DPH7: variants seen among roughly 807,000 people sequenced by gnomAD.
The protein encoded by DPH7 is diphthamide biosynthesis 7, also known as diphthine methyltransferase.
In DPH7, 44 loss-of-function variants were observed where a neutral mutation model predicts 41.7. That is an observed-to-expected ratio of 1.05 (90% CI 0.83 to 1.36). The LOEUF is 1.36. Ranked by LOEUF, DPH7 falls within the 40% of genes most tolerant of loss-of-function variation. The pLI, the probability that DPH7 is intolerant of heterozygous loss-of-function variation, is 0.00. For missense variants in DPH7, 629 were observed against 577.5 expected, an observed-to-expected ratio of 1.09 and a Z score of -0.91; for synonymous variants, 275 against 238.0, an observed-to-expected ratio of 1.16 and a Z score of -1.43.
rs925364720 is a variant in DPH7 at position 137,564,754 on chromosome 9, C to T, written c.776+139G>A. On this transcript the variant is annotated intron_variant, in intron 7 of 8. Coordinates refer to ENST00000277540, the MANE Select transcript of DPH7 (RefSeq NM_138778.5). ...CCCCTTTACCAAACCCATATACCTACACTCCGGCGAAGCACTGGCAGACGA... is the reference window on the plus strand; with the variant it reads ...CCCCTTTACCAAACCCATATACCTATACTCCGGCGAAGCACTGGCAGACGA... 9 of 1,422,372 alleles carry T rather than the reference C, an allele frequency of 6.3e-6. No individual in the cohort carries two copies. In the Admixed American group the frequency reaches 1.3e-4, roughly 21 times the overall value. 88.1% of individuals were successfully genotyped at this position (1,422,372 alleles called of 1,614,324 possible).
At chr9:137,563,804 G>A (rs1839059003) in intron 8 of DPH7, among the ~76,000 whole-genome samples, 2 of 152,186 alleles carry the variant, frequency 1.3e-5, no homozygotes, top group South Asian at 2.1e-4. Flanking sequence ...GGAAGAGGAG[G>A]TCCTGGAGGT....
chr9:137,577,752 G>A, intron 1 of DPH7, 149 bp from the exon 2 acceptor site: 1 of 1,105,576 alleles, frequency 9.0e-7, no homozygotes, highest in Non-Finnish European at 1.3e-6. Flanking sequence ...TTCTGAGCTG[G>A]AGAAACGTCT....
chr9:137,578,320 C>A (rs1345005746), intron 1 of DPH7, among the ~76,000 whole-genome samples: 1 of 152,146 alleles, frequency 6.6e-6, no homozygotes, highest in Non-Finnish European at 1.5e-5. Context: ...GCCGCCACCA[C>A]GCCCGGCTAA....
Position 137,564,465 on chromosome 9 carries a change from G to A in DPH7, c.918C>T (p.Gly306=), listed in dbSNP as rs1839193342. Residue 306 remains glycine (G), a synonymous_variant, in exon 8 of 9, where the codon GGC becomes GGT. Transcript: ENST00000277540. The part of the protein sequence containing the change: ...HLLLAACMHS[G]FKILNCQKAM... ...CCTTTTGGCAGTTGAGGATCTTAAA[G>A]CCACTGTGCATGCAGGCGGCCAGGA... 1.2e-6 allele frequency: 2 copies of A among 1,614,030 alleles called. No individual in the cohort carries two copies. The highest frequency in any genetic ancestry group is 1.7e-6 in the Non-Finnish European group (2 of 1,179,960).
At chr9:137,559,285 G>T (rs910922928) in intron 8 of DPH7, among the ~76,000 whole-genome samples, 1 of 152,244 alleles carries the variant, frequency 6.6e-6, no homozygotes, top group Non-Finnish European at 1.5e-5. Flanking sequence ...AGGGCCACCA[G>T]AGGGCTCCTT....
At position 137,573,729 on chromosome 9, in the gene DPH7, C is replaced by T. The variant is rs139815697; in HGVS notation, c.640+479G>A. Among the ~76,000 whole-genome samples the T allele has an allele frequency of 6.1e-3, 886 of 145,022 alleles. 8 individuals are homozygous for T. The highest frequency in any genetic ancestry group is 0.021 in the African/African-American group (823 of 39,096). ...AAAAAAAGAATAGCTAAGTGATGAG[C>T]GCCAACTATAGCCTTTGTTCCAGAA... On this transcript the variant is annotated intron_variant, in intron 5 of 8. Coordinates refer to ENST00000277540, the MANE Select transcript of DPH7 (RefSeq NM_138778.5).
At chr9:137,558,464 T>C (rs1462751731) in intron 8 of DPH7, among the ~76,000 whole-genome samples, 1 of 152,050 alleles carries the variant, frequency 6.6e-6, no homozygotes, top group South Asian at 2.1e-4. Context: ...CATCAGAGGA[T>C]GAACAGACAG....
Position 137,555,266 on chromosome 9 carries a change from G to A in DPH7, c.1332C>T (p.Leu444=). 1 of 1,608,686 alleles carries A rather than the reference G, an allele frequency of 6.2e-7. No individual in the cohort carries two copies. Among genetic ancestry groups the A allele is most frequent in the Non-Finnish European group, 8.5e-7 (1 of 1,176,674 alleles). The part of the protein sequence containing the change: ...LATCSFYDHA[L]HLWEWEGN ...AGTTCCCCTCCCACTCCCAGAGGTG[G>A]AGCGCATGGTCATAGAAGGAGCAGG... The change falls in exon 9 of 9, where the codon CTC becomes CTT. Residue 444 remains leucine, a synonymous_variant. Transcript: ENST00000277540.
rs1416586789 is a variant in DPH7 at position 137,555,416 on chromosome 9, A to G, written c.1182T>C (p.Ser394=). 1 of 1,613,176 alleles carries G rather than the reference A, an allele frequency of 6.2e-7. No homozygotes were observed. Among genetic ancestry groups the G allele is most frequent in the Admixed American group, 1.7e-5 (1 of 59,948 alleles). Residue 394 remains serine (S), a synonymous_variant, in exon 9 of 9, where the codon AGT becomes AGC. Transcript: ENST00000277540. ...NDGEGHARPQ[S]GMKPLTEGMR... ...TGCCCTCTGTGAGTGGCTTCATTCCACTCTGGGGTCTGGCATGGCCCTCCC... is the reference window on the plus strand; with the variant it reads ...TGCCCTCTGTGAGTGGCTTCATTCCGCTCTGGGGTCTGGCATGGCCCTCCC...
chr9:137,577,032 CAACGG>C (rs1841530533), intron 2 of DPH7, among the ~76,000 whole-genome samples: 1 of 138,768 alleles, frequency 7.2e-6, no homozygotes, highest in Non-Finnish European at 1.5e-5. Context: ...CCAGCCTGGG[CAACGG>C]AACAAAACCC....
intron 2 of DPH7, among the ~76,000 whole-genome samples, chr9:137,576,917 A>C (rs1042728731): frequency 1.7e-4 from 26 of 151,994 alleles, no homozygotes; most frequent in African/African-American, 5.5e-4. Context: ...GCATGGTGGC[A>C]TCTACCTGAA....
rs200066741 is a variant in DPH7, at chr9:137,556,287, C to T, written c.950-639G>A. On this transcript the variant is annotated intron_variant, in intron 8 of 8. Coordinates refer to ENST00000277540, the MANE Select transcript of DPH7 (RefSeq NM_138778.5). This position sits in a 1 kb window ranked among gnomAD's most constrained non-coding sequence, Gnocchi z 5.2. ...CACAGCAACAGAGGGAATGACGAGG[C>T]GTGGCCAAACCCGAGGCGATCTGGA... 2.0e-5 allele frequency among the ~76,000 whole-genome samples: 3 copies of T among 152,188 alleles called. No individual in the cohort carries two copies. Among genetic ancestry groups the T allele is most frequent in the Admixed American group, 1.3e-4 (2 of 15,288 alleles).
rs950099678 is a variant in DPH7, at chr9:137,565,117, C to T, written c.678G>A (p.Arg226=). 1 of 1,613,930 alleles carries T rather than the reference C, an allele frequency of 6.2e-7. No homozygotes were observed. Among genetic ancestry groups the T allele is most frequent in the African/African-American group, 1.3e-5 (1 of 74,942 alleles). Residue 226 remains arginine, a synonymous_variant, in exon 6 of 9, where the codon AGG becomes AGA. Coordinates refer to ENST00000277540, the MANE Select transcript of DPH7 (RefSeq NM_138778.5). ...DDGLLRGWDT[R]VPGKFLFTSK... is the part of the protein sequence containing the mutation. ...TGGTGAAGAGAAATTTGCCGGGTAC[C>T]CTGGTGTCCCAGCCCCTCAGAAGGC...
At chr9:137,562,304 G>A (rs1045130195) in intron 8 of DPH7, among the ~76,000 whole-genome samples, 1 of 152,088 alleles carries the variant, frequency 6.6e-6, no homozygotes, top group African/African-American at 2.4e-5. Flanking sequence ...AAGTGCACAG[G>A]GGCACTCCCC....
At chr9:137,565,016 G>C (rs893727225) in intron 6 of DPH7, 58 bp from the exon 7 acceptor site, 67 of 1,609,190 alleles carry the variant, frequency 4.2e-5, no homozygotes, top group South Asian at 1.5e-4. Context: ...CCCAGGGAAC[G>C]GGAGGGCTGG....
At chr9:137,568,821 A>G (rs1016181695) in intron 5 of DPH7, among the ~76,000 whole-genome samples, 1 of 152,152 alleles carries the variant, frequency 6.6e-6, no homozygotes, top group Non-Finnish European at 1.5e-5. Context: ...CATTGTTCAC[A>G]GGGGCCGTTA....
intron 8 of DPH7, among the ~76,000 whole-genome samples, chr9:137,560,188 A>T (rs1160255432): frequency 6.6e-6 from 1 of 152,208 alleles, no homozygotes; most frequent in African/African-American, 2.4e-5. Flanking sequence ...TCAAGGCTAC[A>T]GAGAAAAGTA....
intron 3 of DPH7, 90 bp from the exon 4 acceptor site, chr9:137,574,933 CCCT>C: frequency 1.3e-6 from 2 of 1,579,682 alleles, no homozygotes; most frequent in South Asian, 2.3e-5. Flanking sequence ...AGTCATCGTT[CCCT>C]CATTTACAAC....
rs758977035 is a variant in DPH7, at chr9:137,555,472, G to T, written c.1126C>A (p.Pro376Thr). 1 of 1,614,134 alleles carries T rather than the reference G, an allele frequency of 6.2e-7. No individual in the cohort carries two copies. Among genetic ancestry groups the T allele is most frequent in the Non-Finnish European group, 8.5e-7 (1 of 1,180,016 alleles). Residue 376 changes from proline (P) to threonine (T), a missense_variant, in exon 9 of 9, where the codon CCC becomes ACC. Physicochemically the swap from Pro to Thr is conservative, Grantham distance 38. Transcript: ENST00000277540. Reference sequence around the variant, plus strand: ...TTATCCTCTCTGCATTCATGACAGGGTGTTGGCAACTCGCTTGCACCCTTC... The same window carrying T: ...TTATCCTCTCTGCATTCATGACAGGTTGTTGGCAACTCGCTTGCACCCTTC... Reference protein sequence around the residue: ...DLKGASELPTPCHECREDNDG... With the variant: ...DLKGASELPTTCHECREDNDG...
Sources: gnomAD v4.1 joint callset for allele counts (sites outside exome capture counted in the v4.1 genomes callset) on GRCh38, gnomAD v4.1.1 for gene constraint, Gnocchi (gnomAD v3.1) non-coding constraint, MANE v1.5 for transcripts, NCBI Gene and HGNC (gene_info 2026-07-23, HGNC 2026-07-21) for gene names.